The following DAZAP2 variants were observed in gnomAD, a reference collection of about 807,000 sequenced individuals.
DAZAP2 encodes the protein DAZ associated protein 2.
Under a neutral mutation model 16.2 loss-of-function variants are expected in DAZAP2, and 3 were observed. The ratio of observed to expected loss-of-function variants is 0.19; its 90% CI spans 0.08 to 0.48. DAZAP2 has a LOEUF of 0.48. DAZAP2 is among the 20% of genes least tolerant of loss of function. The pLI is 0.98. For missense variants in DAZAP2, 172 were observed against 215.9 expected (o/e 0.80, Z 1.27); for synonymous variants, 69 against 77.6 (o/e 0.89, Z 0.58).
chr12:51,244,399 T>C (rs1944736806), downstream of DAZAP2, among the ~76,000 whole-genome samples: 1 of 152,184 alleles, frequency 6.6e-6, no homozygotes, highest in African/African-American at 2.4e-5. Context: ...TTCACTGCGT[T>C]GGCCACGCTG....
chr12:51,242,415 A>G lies in DAZAP2; in HGVS notation c.464A>G (p.Asn155Ser), dbSNP rs766156924. ...ANVLVTQRKG[N>S]FFMGGSDGGY... ...GTCCTCGTAACTCAGCGGAAGGGGA[A>G]CTTCTTCATGGGTGGTTCAGATGGT... The change falls in exon 4 of 4, where the codon AAC (asparagine) becomes AGC (serine). Residue 155 changes from asparagine (N) to serine (S), a missense_variant. Asn to Ser is a conservative substitution (Grantham distance 46, BLOSUM62 1). Transcript: ENST00000412716. 1.2e-6 allele frequency: 2 copies of G among 1,614,130 alleles called. No individual in the cohort carries two copies. The highest frequency in any genetic ancestry group is 1.7e-6 in the Non-Finnish European group (2 of 1,180,008).
chr12:51,246,656 CAG>C (rs1944776668), downstream of DAZAP2: 2 of 684,528 alleles, frequency 2.9e-6, no homozygotes, highest in South Asian at 4.8e-5. Flanking sequence ...ACTTACAAGC[CAG>C]AGTGAGCCCA....
rs1471066064 is a variant in DAZAP2 at position 51,240,412 on chromosome 12, A to G, written c.83A>G (p.His28Arg). The G allele has an allele frequency of 1.2e-6, 2 of 1,614,102 alleles. No individual in the cohort carries two copies. The highest frequency in any genetic ancestry group is 1.7e-6 in the Non-Finnish European group (2 of 1,180,012). Reference sequence around the variant, plus strand: ...AATCCAGTATACCCTCAGACCTTGCATCTTCCTCAGGCTCCACCCTATACC... The same window carrying G: ...AATCCAGTATACCCTCAGACCTTGCGTCTTCCTCAGGCTCCACCCTATACC... ...PGNPVYPQTL[H>R]LPQAPPYTDA... Residue 28 changes from histidine to arginine, a missense_variant, in exon 2 of 4, where the codon CAT becomes CGT. Transcript: ENST00000412716.
At position 51,242,712 on chromosome 12, in the gene DAZAP2, A is replaced by C. The variant is rs1407852894; in HGVS notation, c.*254A>C. 16 of 1,474,536 alleles carry C rather than the reference A, an allele frequency of 1.1e-5. No homozygotes were observed. Among genetic ancestry groups the C allele is most frequent in the Middle Eastern group, 2.3e-4 (1 of 4,292 alleles). 91.3% of individuals were successfully genotyped at this position (1,474,536 alleles called of 1,614,324 possible). ...AATGAATGTGGGTGAAGCCGCCCTA[A>C]GGATTTTCCTTTAATTTCTCTGGAG... is the stretch of plus-strand genomic sequence containing the variant. On this transcript the variant is annotated 3_prime_UTR_variant, in exon 4 of 4. Coordinates refer to ENST00000412716, the MANE Select transcript of DAZAP2 (RefSeq NM_014764.4).
At chr12:51,241,366 G>A (rs1440794057) in intron 3 of DAZAP2, among the ~76,000 whole-genome samples, 2 of 151,990 alleles carry the variant, frequency 1.3e-5, no homozygotes, top group Non-Finnish European at 2.9e-5. Context: ...TGCTTTTCCA[G>A]TTCATTGTGG....
chr12:51,240,657 TA>T, intron 2 of DAZAP2, 196 bp downstream of exon 2: 1 of 851,378 alleles, frequency 1.2e-6, no homozygotes, highest in Non-Finnish European at 1.8e-6. Context: ...TGGCACAGGC[TA>T]AGGTGCAGAA....
rs111739799 is a variant in DAZAP2, at chr12:51,241,329, T to C, written c.378+213T>C. Among the ~76,000 whole-genome samples the C allele has an allele frequency of 9.5e-4, 145 of 152,284 alleles. 1 individual carries two copies. Among genetic ancestry groups the C allele is most frequent in the African/African-American group, 3.3e-3 (139 of 41,556 alleles). ...GGGCTGAGTTAACCAGATTCTTTTGTTTTCATGTCTGTCGAGTCCTGCTTG... is the reference window on the plus strand; with the variant it reads ...GGGCTGAGTTAACCAGATTCTTTTGCTTTCATGTCTGTCGAGTCCTGCTTG... On this transcript the variant is annotated intron_variant, in intron 3 of 3. Transcript: ENST00000412716.
rs750160340 is a variant in DAZAP2 at position 51,242,339 on chromosome 12, C to A, written c.388C>A (p.Pro130Thr). ...TGTCATTTCCTTTCAGCCTCCACCTCCTGGATGCCCTCCCAATGCTGCTCA... is the reference window on the plus strand; with the variant it reads ...TGTCATTTCCTTTCAGCCTCCACCTACTGGATGCCCTCCCAATGCTGCTCA... Reference protein sequence around the residue: ...ATAGNIPPPPPGCPPNAAQLA... With the variant: ...ATAGNIPPPPTGCPPNAAQLA... Residue 130 changes from proline (P) to threonine (T), a missense_variant, in exon 4 of 4, where the codon CCT becomes ACT. Coordinates refer to ENST00000412716, the MANE Select transcript of DAZAP2 (RefSeq NM_014764.4). The A allele has an allele frequency of 4.4e-6, 7 of 1,595,120 alleles. No homozygotes were observed. The highest frequency in any genetic ancestry group is 1.8e-5 in the Admixed American group (1 of 57,114).
intron 2 of DAZAP2, 170 bp from the exon 3 acceptor site, chr12:51,240,701 C>G: frequency 1.0e-6 from 1 of 966,876 alleles, no homozygotes; most frequent in Admixed American, 2.8e-5. Context: ...CCAACATTAG[C>G]TATAGCAGAA....
chr12:51,246,608 G>C (rs1442307991), downstream of DAZAP2: 3 of 439,046 alleles, frequency 6.8e-6, no homozygotes, highest in African/African-American at 4.4e-5. Flanking sequence ...TTATGGCTGT[G>C]TGTGTGTGTG....
At chr12:51,246,135 G>A (rs1944767152), downstream of DAZAP2, 1 of 1,613,282 alleles carries the variant, frequency 6.2e-7, no homozygotes, top group Non-Finnish European at 8.5e-7. Context: ...AAAGGAGAGG[G>A]AAAATGTAGA....
downstream of DAZAP2, chr12:51,245,714 C>A: frequency 2.0e-6 from 1 of 491,444 alleles, no homozygotes; most frequent in Non-Finnish European, 3.7e-6. Flanking sequence ...GTCACAAACA[C>A]CAGCTCTAGT....
intron 3 of DAZAP2, 109 bp from the exon 4 acceptor site, chr12:51,242,221 C>T (rs919752953): frequency 5.3e-5 from 77 of 1,440,838 alleles, no homozygotes; most frequent in Non-Finnish European, 6.8e-5. Flanking sequence ...CTCCTTAAAA[C>T]GCAGCTGGTT....
At chr12:51,244,193 C>G (rs1194238238), downstream of DAZAP2, among the ~76,000 whole-genome samples, 2 of 152,092 alleles carry the variant, frequency 1.3e-5, no homozygotes, top group Non-Finnish European at 2.9e-5. Flanking sequence ...AAGATAGATT[C>G]CTCAGCTCTT....
chr12:51,242,731 T>G lies in DAZAP2; in HGVS notation c.*273T>G, dbSNP rs1348711188. 6.8e-7 allele frequency: 1 copy of G among 1,465,362 alleles called. No individual in the cohort carries two copies. Among genetic ancestry groups the G allele is most frequent in the Admixed American group, 2.6e-5 (1 of 38,406 alleles). The allele number at this position is 1,465,362 out of a possible 1,614,324, so 90.8% of individuals were successfully genotyped here. A position where few individuals can be genotyped will look rare whatever the true frequency, so the allele number is the denominator to read the frequency against. ...GCCCTAAGGATTTTCCTTTAATTTC[T>G]CTGGAGTAATACTGTACCATACTGG... On this transcript the variant is annotated 3_prime_UTR_variant, in exon 4 of 4. Transcript: ENST00000412716.
chr12:51,239,028 A>G (rs540279801), intron 1 of DAZAP2, 108 bp downstream of exon 1: 178 of 1,505,092 alleles, frequency 1.2e-4, no homozygotes, highest in Non-Finnish European at 1.5e-4. Context: ...GGGCTGCGCC[A>G]TGCTCCTTGG....
intron 2 of DAZAP2, 43 bp downstream of exon 2, chr12:51,240,504 T>G (rs963952090): frequency 4.0e-6 from 6 of 1,502,266 alleles, no homozygotes; most frequent in Non-Finnish European, 5.6e-6. Context: ...GGAATACTCT[T>G]AGGGTGGTCC....
downstream of DAZAP2, among the ~76,000 whole-genome samples, chr12:51,244,250 G>A (rs560911251): frequency 6.6e-6 from 1 of 152,294 alleles, no homozygotes; most frequent in East Asian, 1.9e-4. Flanking sequence ...CCGGGCTGGA[G>A]TGCAGTGGCA....
chr12:51,246,300 T>TC (rs1198482175), downstream of DAZAP2: 4 of 808,296 alleles, frequency 4.9e-6, no homozygotes, highest in East Asian at 8.1e-5. Flanking sequence ...ACATAATAGC[T>TC]GGAGTCTCCT....
Sources: allele counts gnomAD v4.1 joint callset (sites outside exome capture counted in the v4.1 genomes callset), GRCh38; gene constraint gnomAD v4.1.1; transcripts MANE v1.5; gene names NCBI Gene and HGNC (gene_info 2026-07-23, HGNC 2026-07-21).